ABCC4: variants seen among roughly 807,000 people sequenced by gnomAD.
ABCC4 encodes the protein ATP binding cassette subfamily C member 4 (PEL blood group).
In ABCC4, 102 loss-of-function variants were observed where a neutral mutation model predicts 168.5. The observed-to-expected ratio is 0.61, with a 90% CI of 0.52 to 0.71. The LOEUF (loss-of-function observed/expected upper bound fraction) is 0.71. Ranked by LOEUF, ABCC4 falls within the 30% of genes least tolerant of loss-of-function variation. The pLI is 0.00. For synonymous variants in ABCC4, 617 were observed against 590.7 expected, an observed-to-expected ratio of 1.04 and a Z score of -0.65; for missense variants, 1,402 against 1,605.8, an observed-to-expected ratio of 0.87 and a Z score of 2.17.
chr13:95,186,744 T>C lies in ABCC4; in HGVS notation c.1502A>G (p.Lys501Arg). The C allele has an allele frequency of 6.2e-7, 1 of 1,614,154 alleles. No homozygotes were observed. Among genetic ancestry groups the C allele is most frequent in the Non-Finnish European group, 8.5e-7 (1 of 1,180,004 alleles). The change falls in exon 11 of 31, where the codon AAG becomes AGG. Residue 501 changes from lysine (K) to arginine (R), a missense_variant. This residue lies in a region of ABCC4 where 1,007 missense variants were observed against 1,127.3 expected (regional missense o/e 0.89). Coordinates refer to ENST00000645237, the MANE Select transcript of ABCC4 (RefSeq NM_005845.5). The stretch of plus-strand genomic sequence containing the variant: ...CTTTATGACTTTTTCATATCGTTCC[T>C]TTTCGTATTTCTTCCCAAATAAAAT... ...SNILFGKKYE[K>R]ERYEKVIKAC...
At chr13:95,217,037 C>T (rs2039133473) in intron 4 of ABCC4, among the ~76,000 whole-genome samples, 1 of 152,132 alleles carries the variant, frequency 6.6e-6, no homozygotes, top group South Asian at 2.1e-4. Flanking sequence ...AATCCGCATG[C>T]CATTAAGAAC....
At chr13:95,209,732 T>C in intron 5 of ABCC4, 135 bp from the exon 6 acceptor site, 1 of 783,808 alleles carries the variant, frequency 1.3e-6, no homozygotes, top group Non-Finnish European at 1.9e-6. Flanking sequence ...TTACACCTGC[T>C]AAAGCAGAAA....
chr13:95,165,024 T>C (rs1347736160), intron 15 of ABCC4, among the ~76,000 whole-genome samples: 1 of 152,140 alleles, frequency 6.6e-6, no homozygotes, highest in African/African-American at 2.4e-5. Flanking sequence ...GACCCAGCCA[T>C]CCCACTTTCA....
chr13:95,041,947 G>A (rs1258140601), intron 29 of ABCC4, among the ~76,000 whole-genome samples: 1 of 152,184 alleles, frequency 6.6e-6, no homozygotes, highest in Non-Finnish European at 1.5e-5. Flanking sequence ...AGAATTCAGA[G>A]CTTGTAATAA....
chr13:95,043,169 G>A (rs921012980), intron 29 of ABCC4, among the ~76,000 whole-genome samples: 2 of 152,108 alleles, frequency 1.3e-5, no homozygotes, highest in African/African-American at 4.8e-5. Context: ...GGAATCATTT[G>A]TTTTTCTGGC....
chr13:95,160,768 G>A (rs905924961), intron 19 of ABCC4, among the ~76,000 whole-genome samples: 8 of 152,146 alleles, frequency 5.3e-5, no homozygotes, highest in South Asian at 2.1e-4. Flanking sequence ...CCTGTCTCAC[G>A]TCAGAGCATT....
At chr13:95,219,157 A>T (rs1005867386) in intron 4 of ABCC4, among the ~76,000 whole-genome samples, 1 of 152,202 alleles carries the variant, frequency 6.6e-6, no homozygotes, top group African/African-American at 2.4e-5. Context: ...CATGTAACAC[A>T]GTTTGAGAGT....
Position 95,294,998 on chromosome 13 carries a change from C to A in ABCC4, c.74+6243G>T, listed in dbSNP as rs2041492196. Among the ~76,000 whole-genome samples, 4 of 152,036 alleles carry A rather than the reference C, an allele frequency of 2.6e-5. No individual in the cohort carries two copies. The South Asian group carries it at 8.3e-4, about 32-fold the overall frequency. ...AACAAAAAATAAAATAAAAATAAGG[C>A]ACTCAAATGTTTGCTAAATGAATAA... On this transcript the variant is annotated intron_variant, in intron 1 of 30. Transcript: ENST00000645237.
intron 8 of ABCC4, among the ~76,000 whole-genome samples, chr13:95,196,393 A>G (rs1175339871): frequency 1.3e-5 from 2 of 152,140 alleles, no homozygotes; most frequent in African/African-American, 2.4e-5. Context: ...CTTCCTATAC[A>G]GTCTCCAGGC....
intron 14 of ABCC4, among the ~76,000 whole-genome samples, chr13:95,168,661 T>A (rs1310907244): frequency 6.6e-6 from 1 of 152,204 alleles, no homozygotes; most frequent in Non-Finnish European, 1.5e-5. Context: ...TAAGCGGGTT[T>A]CAGACCCACA....
intron 25 of ABCC4, among the ~76,000 whole-genome samples, chr13:95,070,644 G>A (rs2033692986): frequency 1.3e-5 from 2 of 152,116 alleles, no homozygotes; most frequent in South Asian, 4.1e-4. Context: ...CCTCCAGCTT[G>A]GGGGTCTGAT....
chr13:95,047,016 T>G (rs1280366032), intron 27 of ABCC4, among the ~76,000 whole-genome samples: 1 of 152,206 alleles, frequency 6.6e-6, no homozygotes, highest in East Asian at 1.9e-4. Flanking sequence ...CATACATATT[T>G]AAGGATGAAC....
At chr13:95,218,941 GAAAGAAAGAA>G (rs2039215214) in intron 4 of ABCC4, among the ~76,000 whole-genome samples, 1 of 30,494 alleles carries the variant, frequency 3.3e-5, no homozygotes, top group African/African-American at 1.3e-4. Flanking sequence ...AAGAAAGAAA[GAAAGAAAGAA>G]AGAAAGAAAG....
At chr13:95,275,456 G>A (rs748819470) in intron 1 of ABCC4, among the ~76,000 whole-genome samples, 1 of 152,174 alleles carries the variant, frequency 6.6e-6, no homozygotes, top group African/African-American at 2.4e-5. Flanking sequence ...CAAAGCCCTT[G>A]TGGCTCTGCG....
intron 19 of ABCC4, among the ~76,000 whole-genome samples, chr13:95,156,846 A>G (rs1316585601): frequency 6.6e-6 from 1 of 152,088 alleles, no homozygotes; most frequent in Non-Finnish European, 1.5e-5. Context: ...TAATCCCAGC[A>G]CTTTAGGAGG....
intron 1 of ABCC4, among the ~76,000 whole-genome samples, chr13:95,248,817 T>G (rs768244258): frequency 2.0e-5 from 3 of 152,072 alleles, no homozygotes; most frequent in African/African-American, 4.8e-5. Flanking sequence ...GTGGCTGAGG[T>G]AGGCGGATCA....
At chr13:95,238,331 T>C (rs2039836675) in intron 3 of ABCC4, among the ~76,000 whole-genome samples, 1 of 152,014 alleles carries the variant, frequency 6.6e-6, no homozygotes, top group South Asian at 2.1e-4. Context: ...CCTGAAGTCC[T>C]CTCTGAATCA....
rs546460027 is a variant in ABCC4 at position 95,085,050 on chromosome 13, G to A, written c.2536-1760C>T. Among the ~76,000 whole-genome samples the A allele has an allele frequency of 2.1e-4, 32 of 152,316 alleles. No individual in the cohort carries two copies. In the South Asian group the frequency reaches 2.3e-3, roughly 11 times the overall value. ...TGAGAAGGATAGAACAGTGGGGGAC[G>A]TGCAGATTCACGTTATACATGCTCT... On this transcript the variant is annotated intron_variant, in intron 20 of 30. Transcript: ENST00000645237.
At chr13:95,238,153 C>A (rs1204219665) in intron 3 of ABCC4, among the ~76,000 whole-genome samples, 1 of 145,076 alleles carries the variant, frequency 6.9e-6, no homozygotes. Context: ...AAGATCGCGC[C>A]ACTGCACTCC....
Sources: allele counts gnomAD v4.1 joint callset (sites outside exome capture counted in the v4.1 genomes callset), GRCh38; gene constraint gnomAD v4.1.1; regional missense constraint gnomAD v4.1.1; transcripts MANE v1.5; gene names NCBI Gene and HGNC (gene_info 2026-07-23, HGNC 2026-07-21).